UVSSA: variants seen among roughly 807,000 people sequenced by gnomAD.
UVSSA encodes UV stimulated scaffold protein A.
UVSSA carries 72 observed loss-of-function variants against 73.9 expected under a neutral mutation model. That is an observed-to-expected ratio of 0.97 (90% confidence interval 0.81 to 1.19). The LOEUF is 1.19. Among genes scored for constraint, UVSSA ranks in the 50% most tolerant of loss-of-function variants. UVSSA has a pLI of 0.00. For synonymous variants in UVSSA, 454 were observed against 391.3 expected, an observed-to-expected ratio of 1.16 and a Z score of -1.89; for missense variants, 1,150 against 965.0, an observed-to-expected ratio of 1.19 and a Z score of -2.54.
intron 8 of UVSSA, among the ~76,000 whole-genome samples, chr4:1,372,933 A>AC (rs144700445): frequency 0.04 from 5,219 of 130,090 alleles, 198 homozygotes; most frequent in South Asian, 0.11. Context: ...GTTTTGCTCC[A>AC]CCCCCTGCCC....
At chr4:1,352,971 G>A (rs963751427) in intron 4 of UVSSA, 59 bp from the exon 5 acceptor site, 2 of 1,549,370 alleles carry the variant, frequency 1.3e-6, no homozygotes, top group African/African-American at 1.4e-5. Context: ...GTGGTTTTGA[G>A]TGGGCTGGTG....
chr4:1,394,224 GCTT>G (rs1720468863), exon 14 of UVSSA: 2 of 586,654 alleles, frequency 3.4e-6, no homozygotes, highest in Admixed American at 6.3e-5. Context: ...GTGTGGCAGA[GCTT>G]CTCAGCGGCC....
chr4:1,346,153 A>C (rs1055250798), upstream of UVSSA, among the ~76,000 whole-genome samples: 3 of 152,136 alleles, frequency 2.0e-5, no homozygotes, highest in Non-Finnish European at 2.9e-5. Flanking sequence ...TTTCCTTTTT[A>C]AAATAATTGC....
In UVSSA at chr4:1,381,004, G is replaced by A. The variant is rs200400854; in HGVS notation, c.1861+16G>A. 3.7e-6 allele frequency: 6 copies of A among 1,608,354 alleles called. No individual in the cohort carries two copies. The East Asian group carries it at 8.9e-5, about 24-fold the overall frequency. On this transcript the variant is annotated intron_variant, in intron 12 of 13. Coordinates refer to ENST00000389851, the MANE Select transcript of UVSSA (RefSeq NM_020894.4). ...GAGCGCCCGGGTAGGTCTGGGCAAG[G>A]CGGTCACCGTGGGAGGCACAGCCTG...
intron 12 of UVSSA, 95 bp downstream of exon 12, chr4:1,381,083 G>A (rs918304854): frequency 4.1e-5 from 47 of 1,149,282 alleles, no homozygotes; most frequent in Non-Finnish European, 5.7e-5. Context: ...CAGAGCACCC[G>A]CTCTGCCAGC....
In UVSSA at chr4:1,353,123, A is replaced by T; in HGVS notation, c.644A>T (p.Glu215Val). The T allele has an allele frequency of 6.2e-7, 1 of 1,613,072 alleles. No individual in the cohort carries two copies. The highest frequency in any genetic ancestry group is 2.2e-5 in the East Asian group (1 of 44,886). Residue 215 changes from glutamate (E) to valine (V), a missense_variant, in exon 5 of 14, where the codon GAA (glutamate) becomes GTA (valine). By Grantham distance (121) the Glu-to-Val change is moderately radical. Coordinates refer to ENST00000389851, the MANE Select transcript of UVSSA (RefSeq NM_020894.4). ...GACTTTGACCCGAACCCGGAGACGG[A>T]ATCCCTTGGCATGGCTTCTGGCATG... Reference protein sequence around the residue: ...PFDFDPNPETESLGMASGMSD... With the variant: ...PFDFDPNPETVSLGMASGMSD...
At chr4:1,367,586 T>G (rs1424572675) in intron 8 of UVSSA, among the ~76,000 whole-genome samples, 78 of 152,054 alleles carry the variant, frequency 5.1e-4, no homozygotes, top group Non-Finnish European at 1.9e-4. Context: ...GGGCCCAGGC[T>G]GGGAAGGCTG....
chr4:1,362,616 G>T (rs896045281), intron 7 of UVSSA, among the ~76,000 whole-genome samples: 1 of 152,166 alleles, frequency 6.6e-6, no homozygotes, highest in South Asian at 2.1e-4. Flanking sequence ...GAGCCCCCCC[G>T]CACCGGTGCC....
In UVSSA at chr4:1,353,281, G is replaced by A. The variant is rs765579666; in HGVS notation, c.802G>A (p.Gly268Ser). The stretch of plus-strand genomic sequence containing the variant: ...CTCTGCAGGCCACCCCAGAGCGGGC[G>A]GCGGGGCACAGCCATCCCAGACAGC... ...PASAGHPRAGGGAQPSQTATG... is the reference protein window; with the variant it reads ...PASAGHPRAGSGAQPSQTATG... The change falls in exon 5 of 14, where the codon GGC becomes AGC. Residue 268 changes from glycine (G) to serine (S), a missense_variant. Coordinates refer to ENST00000389851, the MANE Select transcript of UVSSA (RefSeq NM_020894.4). 1.4e-5 allele frequency: 23 copies of A among 1,611,062 alleles called. No individual in the cohort carries two copies. Among genetic ancestry groups the A allele is most frequent in the Middle Eastern group, 1.6e-4 (1 of 6,082 alleles).
downstream of UVSSA, chr4:1,388,299 T>C (rs2109331006): frequency 6.6e-6 from 1 of 152,384 alleles, no homozygotes; most frequent in Middle Eastern, 3.4e-3. Flanking sequence ...TGCTAATATG[T>C]GGAAGTACAA....
In UVSSA at chr4:1,362,238, C is replaced by T. The variant is rs376260336; in HGVS notation, c.1177-4082C>T. Among the ~76,000 whole-genome samples, 77 of 152,334 alleles carry T rather than the reference C, an allele frequency of 5.1e-4. 1 individual carries two copies. Among genetic ancestry groups the T allele is most frequent in the Non-Finnish European group, 2.4e-4 (16 of 68,040 alleles). On this transcript the variant is annotated intron_variant, in intron 7 of 13. Transcript: ENST00000389851. ...CGGAGTGCTCCTGCCCGCCTCCCCG[C>T]GGTGGCTGGGGTTCCTTTGGAGGTG... is the stretch of plus-strand genomic sequence containing the variant.
intron 8 of UVSSA, among the ~76,000 whole-genome samples, chr4:1,372,654 T>C (rs1381673245): frequency 1.6e-5 from 2 of 122,046 alleles, no homozygotes; most frequent in Non-Finnish European, 3.2e-5. Context: ...CTTTACAAAG[T>C]CATGTGCTCA....
intron 7 of UVSSA, among the ~76,000 whole-genome samples, chr4:1,365,594 G>A (rs1440366209): frequency 2.0e-5 from 3 of 152,230 alleles, no homozygotes; most frequent in Non-Finnish European, 4.4e-5. Flanking sequence ...CACCTACCCT[G>A]GCAGAGAAGT....
exon 14 of UVSSA, chr4:1,393,908 T>C (rs981826791): frequency 1.7e-5 from 3 of 173,340 alleles, no homozygotes; most frequent in African/African-American, 7.2e-5. Context: ...ATCAGCTTCA[T>C]GTTCAGCCAG....
rs533464420 is a variant in UVSSA at position 1,388,012 on chromosome 4, T to A, written c.*2051T>A. ...ATTAAATCTAGAGATTGCTTTGGAA[T>A]GTATTACCGTCTTAATATTAAATCT... is the stretch of plus-strand genomic sequence containing the variant. On this transcript the variant is annotated 3_prime_UTR_variant, in exon 14 of 14. Coordinates refer to ENST00000389851, the MANE Select transcript of UVSSA (RefSeq NM_020894.4). The A allele has an allele frequency of 5.1e-4, 77 of 152,272 alleles. 1 individual carries two copies. The highest frequency in any genetic ancestry group is 1.8e-3 in the African/African-American group (76 of 41,574). 9.4% of individuals were successfully genotyped at this position (152,272 alleles called of 1,614,324 possible).
chr4:1,363,991 G>A (rs1716985035), intron 7 of UVSSA, among the ~76,000 whole-genome samples: 1 of 149,372 alleles, frequency 6.7e-6, no homozygotes, highest in South Asian at 2.2e-4. Context: ...GCCTTGTGTG[G>A]CCTGGCTCCG....
chr4:1,364,886 C>T (rs1010146453), intron 7 of UVSSA, among the ~76,000 whole-genome samples: 1 of 152,148 alleles, frequency 6.6e-6, no homozygotes, highest in African/African-American at 2.4e-5. Context: ...GAATGACCGC[C>T]CTGCTGTGCT....
At chr4:1,384,270 C>G (rs1445606393) in intron 13 of UVSSA, 1 of 334,162 alleles carries the variant, frequency 3.0e-6, no homozygotes, top group Non-Finnish European at 5.5e-6. Flanking sequence ...TCGTCTCTCC[C>G]TTGCCTGGCT....
At chr4:1,393,685 C>T (rs1285196551) in exon 14 of UVSSA, 1 of 152,588 alleles carries the variant, frequency 6.6e-6, no homozygotes, top group East Asian at 1.9e-4. Context: ...GGGGAAGTTC[C>T]TATTGATGAC....
Sources: allele counts gnomAD v4.1 joint callset (sites outside exome capture counted in the v4.1 genomes callset), GRCh38; gene constraint gnomAD v4.1.1; transcripts MANE v1.5; gene names NCBI Gene and HGNC (gene_info 2026-07-23, HGNC 2026-07-21).